Variants in SNX5 observed in about 807,000 individuals in gnomAD.
SNX5 encodes the protein sorting nexin-5.
A neutral mutation model predicts 53.9 loss-of-function variants in SNX5; 31 were observed. That is an observed-to-expected ratio of 0.58 (90% confidence interval 0.43 to 0.78). SNX5 has a LOEUF of 0.78. Among genes scored for constraint, SNX5 ranks in the 30% least tolerant of loss-of-function variants. The probability of loss-of-function intolerance (pLI) is 0.00; values close to 1 mark genes in which losing one functional copy is unlikely to be tolerated. For missense variants in SNX5, 471 were observed against 478.8 expected (o/e 0.98, Z 0.15); for synonymous variants, 168 against 171.1 (o/e 0.98, Z 0.14).
chr20:17,960,488 G>C (rs1314223740), intron 1 of SNX5, among the ~76,000 whole-genome samples: 2 of 152,230 alleles, frequency 1.3e-5, no homozygotes, highest in African/African-American at 4.8e-5. Flanking sequence ...CAGCTACTCA[G>C]GAGGCTGAGG....
chr20:17,943,996 T>C (rs1273340991), intron 11 of SNX5: 1 of 152,230 alleles, frequency 6.6e-6, no homozygotes, highest in Non-Finnish European at 1.5e-5. Context: ...AGATACATTA[T>C]ACTATCCGGC....
intron 1 of SNX5, among the ~76,000 whole-genome samples, chr20:17,963,643 C>T (rs1403261174): frequency 4.6e-5 from 7 of 152,290 alleles, no homozygotes; most frequent in African/African-American, 1.7e-4. Flanking sequence ...CTGGAACAAG[C>T]CCTCTTCAAC....
At chr20:17,960,500 A>C (rs1016836659) in intron 1 of SNX5, among the ~76,000 whole-genome samples, 1 of 152,210 alleles carries the variant, frequency 6.6e-6, no homozygotes, top group Non-Finnish European at 1.5e-5. Context: ...AGGCTGAGGT[A>C]GGAGAATCGC....
chr20:17,942,930 A>G (rs1464460948), intron 12 of SNX5, 180 bp downstream of exon 12: 1 of 548,450 alleles, frequency 1.8e-6, no homozygotes, highest in Non-Finnish European at 3.2e-6. Flanking sequence ...AAAATTAGTC[A>G]TGGGTGACAT....
chr20:17,950,478 T>C (rs2039551648), intron 6 of SNX5, 82 bp from the exon 7 acceptor site: 5 of 784,864 alleles, frequency 6.4e-6, no homozygotes, highest in Non-Finnish European at 1.0e-5. Flanking sequence ...TATAAAAATA[T>C]ATTGCTTAGA....
At chr20:17,959,469 C>G (rs2035414743) in intron 1 of SNX5, among the ~76,000 whole-genome samples, 1 of 13,904 alleles carries the variant, frequency 7.2e-5, no homozygotes, top group South Asian at 4.0e-3. Context: ...CCGAGGTTCA[C>G]TAGCAGCCAT....
chr20:17,942,805 C>T (rs935504662), intron 12 of SNX5: 1 of 379,438 alleles, frequency 2.6e-6, no homozygotes, highest in Non-Finnish European at 4.7e-6. Context: ...CACCTGTAAT[C>T]CCAGCACTTT....
At chr20:17,958,568 G>A (rs2035401321) in intron 1 of SNX5, among the ~76,000 whole-genome samples, 1 of 152,166 alleles carries the variant, frequency 6.6e-6, no homozygotes, top group Non-Finnish European at 1.5e-5. Context: ...CTATTAGTAA[G>A]ATCAAAACAG....
At position 17,942,223 on chromosome 20, in the gene SNX5, T is replaced by C. The variant is rs370623964; in HGVS notation, c.*134A>G. The C allele has an allele frequency of 3.1e-5, 20 of 640,728 alleles. No individual in the cohort carries two copies. The highest frequency in any genetic ancestry group is 1.9e-4 in the East Asian group (7 of 36,084). 39.7% of individuals were successfully genotyped at this position (640,728 alleles called of 1,614,324 possible). ...CAACATGGTTAAATGTTAAGATTTGTAGAAATCAAAATATTTATTCACATA... is the reference window on the plus strand; with the variant it reads ...CAACATGGTTAAATGTTAAGATTTGCAGAAATCAAAATATTTATTCACATA... On this transcript the variant is annotated 3_prime_UTR_variant, in exon 13 of 13. Transcript: ENST00000377759.
intron 1 of SNX5, among the ~76,000 whole-genome samples, chr20:17,965,514 A>G (rs951589885): frequency 5.9e-5 from 9 of 152,062 alleles, no homozygotes; most frequent in Non-Finnish European, 1.0e-4. Context: ...ACCAAAAAAT[A>G]CAAAAATTAG....
At chr20:17,962,769 T>C (rs1421959614) in intron 1 of SNX5, 1 of 519,252 alleles carries the variant, frequency 1.9e-6, no homozygotes, top group Admixed American at 1.9e-5. Context: ...CCGTCCCTGC[T>C]GACACCAACC....
chr20:17,956,865 C>T (rs2035370018), intron 2 of SNX5, 68 bp downstream of exon 2: 3 of 836,522 alleles, frequency 3.6e-6, no homozygotes, highest in East Asian at 4.9e-5. Context: ...GGAATCTCTT[C>T]TCACATCCAC....
rs895155684 is a variant in SNX5 at position 17,950,376 on chromosome 20, C to T, written c.630G>A (p.Glu210=). 11 of 1,609,382 alleles carry T rather than the reference C, an allele frequency of 6.8e-6. No homozygotes were observed. The highest frequency in any genetic ancestry group is 2.7e-5 in the African/African-American group (2 of 74,810). Residue 210 remains glutamate (E), a synonymous_variant, in exon 7 of 13, where the codon GAG becomes GAA. Transcript: ENST00000377759. Reference sequence around the variant, plus strand: ...AGTTAATAAGGAAGTTCTTCTCTTGCTCAAAGAAGTCATCTACCTCCTAGA... The same window carrying T: ...AGTTAATAAGGAAGTTCTTCTCTTGTTCAAAGAAGTCATCTACCTCCTAGA... The part of the protein sequence containing the change: ...TGVKEVDDFF[E]QEKNFLINYY...
rs1023264610 is a variant in SNX5, at chr20:17,951,666, T to C, written c.514-71A>G. 5 of 1,041,662 alleles carry C rather than the reference T, an allele frequency of 4.8e-6. No homozygotes were observed. In the Admixed American group the frequency reaches 8.9e-5, roughly 18 times the overall value. 64.5% of individuals were successfully genotyped at this position (1,041,662 alleles called of 1,614,324 possible). On this transcript the variant is annotated intron_variant, in intron 5 of 12. Transcript: ENST00000377759. ...TAGATTCTCTTAAAGAAGTTCTGAGTAACATTTTAAGTAATCCTCTTTATC... is the reference window on the plus strand; with the variant it reads ...TAGATTCTCTTAAAGAAGTTCTGAGCAACATTTTAAGTAATCCTCTTTATC...
intron 1 of SNX5, among the ~76,000 whole-genome samples, chr20:17,966,439 T>G (rs977075757): frequency 6.6e-6 from 1 of 150,494 alleles, no homozygotes. Context: ...AGGAACCAAA[T>G]TAACCATGCA....
chr20:17,954,317 T>C (rs2236158), intron 3 of SNX5, 200 bp from the exon 4 acceptor site: 199,232 of 680,616 alleles, frequency 0.29, 31,366 homozygotes, highest in South Asian at 0.42. Context: ...GAGAGTTGCA[T>C]ATTCACTTTG....
chr20:17,947,721 A>C (rs2039507009), intron 10 of SNX5, 76 bp from the exon 11 acceptor site: 14 of 1,260,082 alleles, frequency 1.1e-5, no homozygotes, highest in Non-Finnish European at 1.1e-5. Context: ...CCAATGTACC[A>C]CCTGAGATGT....
chr20:17,968,404 G>A lies in SNX5; in HGVS notation c.22C>T (p.Leu8=), dbSNP rs907759445. 6 of 1,287,706 alleles carry A rather than the reference G, an allele frequency of 4.7e-6. No individual in the cohort carries two copies. In the African/African-American group the frequency reaches 7.7e-5, roughly 17 times the overall value. The allele number at this position is 1,287,706 out of a possible 1,614,324, so 79.8% of individuals were successfully genotyped here. MAAVPEL[L]QQQEEDRSKL... ...CTGCGGTCCTCCTCCTGCTGCTGCAGCAACTCGGGAACCGCGGCCATGGCG... is the reference window on the plus strand; with the variant it reads ...CTGCGGTCCTCCTCCTGCTGCTGCAACAACTCGGGAACCGCGGCCATGGCG... Residue 8 remains leucine (L), a synonymous_variant, in exon 1 of 13, where the codon CTG becomes TTG. Coordinates refer to ENST00000377759, the MANE Select transcript of SNX5 (RefSeq NM_014426.4).
At chr20:17,966,392 A>T (rs1384401581) in intron 1 of SNX5, among the ~76,000 whole-genome samples, 14 of 152,144 alleles carry the variant, frequency 9.2e-5, no homozygotes, top group Non-Finnish European at 1.5e-5. Flanking sequence ...CTCAAAAAAA[A>T]AAAAAAAATC....
Sources: allele counts gnomAD v4.1 joint callset (sites outside exome capture counted in the v4.1 genomes callset), GRCh38; gene constraint gnomAD v4.1.1; transcripts MANE v1.5; gene names NCBI Gene and HGNC (gene_info 2026-07-23, HGNC 2026-07-21).